SYNM: variants seen among roughly 807,000 people sequenced by gnomAD.
SYNM encodes desmuslin.
SYNM carries 95 observed loss-of-function variants against 104.0 expected under a neutral mutation model. The ratio of observed to expected loss-of-function variants is 0.91; its 90% CI spans 0.77 to 1.08. SYNM has a LOEUF of 1.08. Ranked by LOEUF, SYNM falls within the 50% of genes least tolerant of loss-of-function variation. SYNM has a pLI of 0.00. For synonymous variants in SYNM, 918 were observed against 869.0 expected, an observed-to-expected ratio of 1.06 and a Z score of -0.99; for missense variants, 2,150 against 2,052.2, an observed-to-expected ratio of 1.05 and a Z score of -0.92.
rs782418930 is a variant in SYNM, at chr15:99,132,736, C to T, written c.4376C>T (p.Ser1459Leu). 61 of 1,613,794 alleles carry T rather than the reference C, an allele frequency of 3.8e-5. No individual in the cohort carries two copies. Among genetic ancestry groups the T allele is most frequent in the Middle Eastern group, 1.6e-4 (1 of 6,084 alleles). Reference sequence around the variant, plus strand: ...ATTGCACCAGGGCCCAAAGAAACTTCGTTTACCTTTCAGATGGATGTGAGT... The same window carrying T: ...ATTGCACCAGGGCCCAAAGAAACTTTGTTTACCTTTCAGATGGATGTGAGT... ...RHIAPGPKET[S>L]FTFQMDVSNV... The change falls in exon 4 of 4, where the codon TCG (serine) becomes TTG (leucine). Residue 1459 changes from serine to leucine, a missense_variant. Coordinates refer to ENST00000336292, the MANE Select transcript of SYNM (RefSeq NM_145728.3).
At chr15:99,139,346 G>A (rs1555488900), downstream of SYNM, 1 of 1,613,826 alleles carries the variant, frequency 6.2e-7, no homozygotes, top group Non-Finnish European at 8.5e-7. Context: ...CCTGCTGGGT[G>A]GCCAGAGTCC....
chr15:99,133,841 T>TTTCTGTTACAGCCTAAG lies in SYNM; in HGVS notation c.*788_*789insTTACAGCCTAAGTTCTG, dbSNP rs11269259. ...AAGTAGCACACAGTCTGAATGCCCT[T>TTTCTGTTACAGCCTAAG]TTCTGGAGTGGCCAGTTCCTATCAG... On this transcript the variant is annotated 3_prime_UTR_variant, in exon 4 of 4. Coordinates refer to ENST00000336292, the MANE Select transcript of SYNM (RefSeq NM_145728.3). 1.3e-5 allele frequency: 2 copies of TTTCTGTTACAGCCTAAG among 151,870 alleles called. No homozygotes were observed. The highest frequency in any genetic ancestry group is 4.9e-5 in the African/African-American group (2 of 41,236). The allele number at this position is 151,870 out of a possible 1,614,324, so 9.4% of individuals were successfully genotyped here. A position where few individuals can be genotyped will look rare whatever the true frequency, so the allele number is the denominator to read the frequency against.
intron 1 of SYNM, among the ~76,000 whole-genome samples, chr15:99,112,410 G>A (rs1047138708): frequency 1.3e-5 from 2 of 152,222 alleles, no homozygotes; most frequent in African/African-American, 4.8e-5. Flanking sequence ...ACTGGAAATC[G>A]GTGCAGCTGA....
intron 2 of SYNM, among the ~76,000 whole-genome samples, chr15:99,114,843 C>G (rs1461310634): frequency 1.3e-5 from 2 of 152,098 alleles, no homozygotes; most frequent in Non-Finnish European, 2.9e-5. Context: ...CCTGGCAGCT[C>G]TCATGCTCAG....
chr15:99,105,460 T>G lies in SYNM; in HGVS notation c.261T>G (p.Ala87=), dbSNP rs1479611404. The G allele has an allele frequency of 2.1e-5, 29 of 1,402,774 alleles. No homozygotes were observed. The highest frequency in any genetic ancestry group is 9.2e-6 in the Non-Finnish European group (10 of 1,082,602). The allele number at this position is 1,402,774 out of a possible 1,614,324, so 86.9% of individuals were successfully genotyped here. ...ATALAEGERD[A]LRRELRELQR... ...CGCTGGCGGAGGGCGAGCGGGACGC[T>G]CTGCGGCGCGAGCTGCGGGAGCTGC... is the stretch of plus-strand genomic sequence containing the variant. The change falls in exon 1 of 4, where the codon GCT becomes GCG. Residue 87 remains alanine (A), a synonymous_variant. Transcript: ENST00000336292.
In SYNM at chr15:99,130,887, G is replaced by A. The variant is rs782563872; in HGVS notation, c.2527G>A (p.Asp843Asn). ...TCCAGATGAACACCCCGGGGGGCAC[G>A]ACAGAGATGACGGCTCGGTGTACGG... ...STPDEHPGGH[D>N]RDDGSVYGQI... Residue 843 changes from aspartate to asparagine, a missense_variant, in exon 4 of 4, where the codon GAC becomes AAC. Asp to Asn is a conservative substitution (Grantham distance 23). Coordinates refer to ENST00000336292, the MANE Select transcript of SYNM (RefSeq NM_145728.3). 8.7e-6 allele frequency: 14 copies of A among 1,613,928 alleles called. No homozygotes were observed. The African/African-American group carries it at 9.3e-5, about 11-fold the overall frequency.
At chr15:99,137,982 T>C (rs782115627), downstream of SYNM, 1 of 1,613,672 alleles carries the variant, frequency 6.2e-7, no homozygotes, top group South Asian at 1.1e-5. Flanking sequence ...TGCCCAGGAA[T>C]GTCCTAGGCT....
In SYNM at chr15:99,105,763, A is replaced by G. The variant is rs782536747; in HGVS notation, c.564A>G (p.Ala188=). The G allele has an allele frequency of 5.8e-6, 9 of 1,538,760 alleles. No homozygotes were observed. The highest frequency in any genetic ancestry group is 5.2e-6 in the Non-Finnish European group (6 of 1,144,094). The part of the protein sequence containing the change: ...PRLREVHDSY[A]LLVAESWRET... The stretch of plus-strand genomic sequence containing the variant: ...TGCGGGAGGTGCACGACAGCTACGC[A>G]CTGCTGGTGGCCGAGTCGTGGCGGG... The change falls in exon 1 of 4, where the codon GCA becomes GCG. Residue 188 remains alanine, a synonymous_variant. Transcript: ENST00000336292.
intron 2 of SYNM, among the ~76,000 whole-genome samples, chr15:99,117,971 A>C (rs1249527689): frequency 6.6e-6 from 1 of 152,198 alleles, no homozygotes; most frequent in Non-Finnish European, 1.5e-5. Flanking sequence ...TCAGGGGAGC[A>C]AGCGATGGAT....
In SYNM at chr15:99,134,080, G is replaced by C. The variant is rs928071860; in HGVS notation, c.*1022G>C. 2 of 152,168 alleles carry C rather than the reference G, an allele frequency of 1.3e-5. No homozygotes were observed. Among genetic ancestry groups the C allele is most frequent in the Non-Finnish European group, 2.9e-5 (2 of 68,030 alleles). The allele number at this position is 152,168 out of a possible 1,614,324, so 9.4% of individuals were successfully genotyped here. ...CCCAACCCTCCATTCATGGGATGCA[G>C]GTCTTTCTGAGCTCAAGGGTGAAAG... On this transcript the variant is annotated 3_prime_UTR_variant, in exon 4 of 4. Coordinates refer to ENST00000336292, the MANE Select transcript of SYNM (RefSeq NM_145728.3).
At chr15:99,137,029 A>G (rs1418714649), downstream of SYNM, 2 of 152,300 alleles carry the variant, frequency 1.3e-5, no homozygotes, top group African/African-American at 4.8e-5. Flanking sequence ...TCATAGCACC[A>G]GCCTGCAGCC....
At chr15:99,106,153 G>T (rs1289620352) in intron 1 of SYNM, 144 bp downstream of exon 1, 5 of 907,350 alleles carry the variant, frequency 5.5e-6, no homozygotes, top group Non-Finnish European at 7.6e-6. Context: ...TGCCCGAATG[G>T]CATGGGGACC....
At position 99,132,322 on chromosome 15, in the gene SYNM, C is replaced by A. The variant is rs976689725; in HGVS notation, c.3962C>A (p.Thr1321Asn). 6.2e-6 allele frequency: 10 copies of A among 1,612,770 alleles called. No individual in the cohort carries two copies. Among genetic ancestry groups the A allele is most frequent in the Non-Finnish European group, 8.5e-6 (10 of 1,178,968 alleles). Residue 1321 changes from threonine (T) to asparagine (N), a missense_variant, in exon 4 of 4, where the codon ACC becomes AAC. Coordinates refer to ENST00000336292, the MANE Select transcript of SYNM (RefSeq NM_145728.3). ...ISIGPQRHQT[T>N]QQIVYHGLVP... ...ATTGGGCCTCAGAGGCATCAGACCA[C>A]CCAGCAGATAGTTTACCATGGGCTG...
At chr15:99,139,611 C>A, downstream of SYNM, 1 of 1,523,672 alleles carries the variant, frequency 6.6e-7, no homozygotes, top group Non-Finnish European at 8.8e-7. Flanking sequence ...CACTATTTCA[C>A]AAAACTCTCT....
intron 1 of SYNM, among the ~76,000 whole-genome samples, chr15:99,107,564 C>T (rs2067258168): frequency 6.6e-6 from 1 of 152,216 alleles, no homozygotes; most frequent in East Asian, 1.9e-4. Context: ...TTCACAGCCA[C>T]AGCTCACTTG....
rs534658825 is a variant in SYNM, at chr15:99,123,541, C to G, written c.936-3181C>G. Among the ~76,000 whole-genome samples the G allele has an allele frequency of 8.5e-5, 13 of 152,324 alleles. 1 individual carries two copies. The South Asian group carries it at 2.7e-3, about 32-fold the overall frequency. On this transcript the variant is annotated intron_variant, in intron 2 of 3. Transcript: ENST00000336292. Reference sequence around the variant, plus strand: ...CTGGTCTTCCCGGTGACTGACCAGCCACGGGCCCGCATCTGGGGTGACCCA... The same window carrying G: ...CTGGTCTTCCCGGTGACTGACCAGCGACGGGCCCGCATCTGGGGTGACCCA...
chr15:99,105,343 G>A lies in SYNM; in HGVS notation c.144G>A (p.Gly48=). The A allele has an allele frequency of 6.5e-7, 1 of 1,539,066 alleles. No individual in the cohort carries two copies. Among genetic ancestry groups the A allele is most frequent in the East Asian group, 2.5e-5 (1 of 40,762 alleles). Residue 48 remains glycine (G), a synonymous_variant, in exon 1 of 4, where the codon GGG becomes GGA. Coordinates refer to ENST00000336292, the MANE Select transcript of SYNM (RefSeq NM_145728.3). ...LLEEELRGRR[G]REGLWAEGQA... is the part of the protein sequence containing the mutation. ...AGGAGGAGCTGCGCGGCCGGCGCGG[G>A]CGAGAGGGCCTGTGGGCCGAGGGGC...
At chr15:99,108,992 T>C (rs1555483159) in intron 1 of SYNM, among the ~76,000 whole-genome samples, 1 of 152,204 alleles carries the variant, frequency 6.6e-6, no homozygotes, top group Admixed American at 6.5e-5. Flanking sequence ...TTTTCTGTGT[T>C]CCATGTGCTT....
Position 99,105,087 on chromosome 15 carries a change from G to A in SYNM, c.-113G>A, listed in dbSNP as rs1371195067. On this transcript the variant is annotated 5_prime_UTR_variant, in exon 1 of 4. Coordinates refer to ENST00000336292, the MANE Select transcript of SYNM (RefSeq NM_145728.3). ...CTCTCCCGCTCGCGTCCCAGTCTGC[G>A]GGCCTCCGGGGCAGCGGCGAGGCCG... 15 of 1,246,710 alleles carry A rather than the reference G, an allele frequency of 1.2e-5. No homozygotes were observed. The highest frequency in any genetic ancestry group is 2.9e-5 in the East Asian group (1 of 34,802). 77.2% of individuals were successfully genotyped at this position (1,246,710 alleles called of 1,614,324 possible). A position where few individuals can be genotyped will look rare whatever the true frequency, so the allele number is the denominator to read the frequency against.
Sources: gnomAD v4.1 joint callset for allele counts (sites outside exome capture counted in the v4.1 genomes callset) on GRCh38, gnomAD v4.1.1 for gene constraint, MANE v1.5 for transcripts, NCBI Gene and HGNC (gene_info 2026-07-23, HGNC 2026-07-21) for gene names.